The following BABAM2 variants were observed in gnomAD, a reference collection of about 807,000 sequenced individuals.
BABAM2 encodes the protein BRISC and BRCA1 A complex member 2, also known as BRISC and BRCA1-A complex member 2.
In BABAM2, 31 loss-of-function variants were observed where a neutral mutation model predicts 54.7. The ratio of observed to expected loss-of-function variants is 0.57; its 90% CI spans 0.43 to 0.77. The LOEUF (loss-of-function observed/expected upper bound fraction) is 0.77. Among genes scored for constraint, BABAM2 ranks in the 30% least tolerant of loss-of-function variants. The pLI, the probability that BABAM2 is intolerant of heterozygous loss-of-function variation, is 0.00. For synonymous variants in BABAM2, 167 were observed against 162.9 expected, an observed-to-expected ratio of 1.03 and a Z score of -0.19; for missense variants, 364 against 455.8, an observed-to-expected ratio of 0.80 and a Z score of 1.83.
At chr2:28,168,810 A>G (rs149771142) in intron 7 of BABAM2, among the ~76,000 whole-genome samples, 223 of 152,320 alleles carry the variant, frequency 1.5e-3, no homozygotes, top group Non-Finnish European at 2.2e-3. Context: ...TTCATGTTCC[A>G]TCTGGGCACA....
chr2:28,026,970 A>AT (rs1675892356), intron 5 of BABAM2, among the ~76,000 whole-genome samples: 3 of 93,136 alleles, frequency 3.2e-5, no homozygotes, highest in African/African-American at 1.6e-4. Context: ...ATATATATAT[A>AT]AATATATAAA....
chr2:28,173,464 A>C (rs1229842968), intron 7 of BABAM2, among the ~76,000 whole-genome samples: 1 of 152,214 alleles, frequency 6.6e-6, no homozygotes, highest in Non-Finnish European at 1.5e-5. Flanking sequence ...AGAATTTTTA[A>C]AATGACAATC....
intron 11 of BABAM2, chr2:28,308,498 G>A (rs1688761845): frequency 5.7e-6 from 3 of 526,954 alleles, no homozygotes; most frequent in Admixed American, 3.9e-5. Context: ...AACAGGCTGT[G>A]AAGAAGCTCA....
intron 2 of BABAM2, among the ~76,000 whole-genome samples, chr2:27,916,205 A>T (rs2148318727): frequency 6.6e-6 from 1 of 152,344 alleles, no homozygotes; most frequent in African/African-American, 2.4e-5. Flanking sequence ...CAAATAATAT[A>T]AAATATGAGC....
chr2:28,134,942 T>C (rs1558371852), intron 7 of BABAM2, among the ~76,000 whole-genome samples: 1 of 152,190 alleles, frequency 6.6e-6, no homozygotes, highest in South Asian at 2.1e-4. Flanking sequence ...CCTTCACTTA[T>C]TGGCTGGCAA....
intron 3 of BABAM2, among the ~76,000 whole-genome samples, chr2:27,985,781 G>T (rs1672354428): frequency 6.6e-6 from 1 of 152,130 alleles, no homozygotes; most frequent in Non-Finnish European, 1.5e-5. Context: ...TGAGCTCCTT[G>T]AGAATAAATA....
At chr2:28,154,701 C>T (rs1672381786) in intron 7 of BABAM2, among the ~76,000 whole-genome samples, 1 of 152,082 alleles carries the variant, frequency 6.6e-6, no homozygotes, top group Non-Finnish European at 1.5e-5. Context: ...AAACTTCTAG[C>T]TAGAAGAGTC....
In BABAM2 at chr2:27,995,200, G is replaced by A. The variant is rs1270988847; in HGVS notation, c.300+7113G>A. 3.3e-5 allele frequency among the ~76,000 whole-genome samples: 5 copies of A among 152,142 alleles called. No homozygotes were observed. Among genetic ancestry groups the A allele is most frequent in the African/African-American group, 4.8e-5 (2 of 41,416 alleles). ...TGGTGCAGGTGGCCTACTGGGTGCT[G>A]GTAAGCCAGAGCTGGCAAAGTGGAA... On this transcript the variant is annotated intron_variant, in intron 4 of 11. Transcript: ENST00000379624. This position sits in a 1 kb window ranked among gnomAD's most constrained non-coding sequence, Gnocchi z 4.1.
chr2:28,153,928 T>TA (rs1672296529), intron 7 of BABAM2, among the ~76,000 whole-genome samples: 1 of 152,196 alleles, frequency 6.6e-6, no homozygotes, highest in South Asian at 2.1e-4. Context: ...AGAATACCCT[T>TA]AGGGGAAAGA....
At chr2:28,068,335 C>T (rs1202901496) in intron 6 of BABAM2, among the ~76,000 whole-genome samples, 1 of 152,128 alleles carries the variant, frequency 6.6e-6, no homozygotes, top group Non-Finnish European at 1.5e-5. Flanking sequence ...AACCATAAAT[C>T]AGAATCAAAG....
At chr2:28,232,798 A>T (rs1487072349) in intron 7 of BABAM2, among the ~76,000 whole-genome samples, 1 of 152,208 alleles carries the variant, frequency 6.6e-6, no homozygotes, top group Admixed American at 6.5e-5. Context: ...TGCATGAGAG[A>T]TGTGATAATT....
intron 6 of BABAM2, among the ~76,000 whole-genome samples, chr2:28,047,764 A>G (rs1336927979): frequency 6.6e-6 from 1 of 152,206 alleles, no homozygotes; most frequent in Non-Finnish European, 1.5e-5. Flanking sequence ...TTGCAACACT[A>G]ATGTCCTTCT....
rs552633994 is a variant in BABAM2, at chr2:27,950,983, G to C, written c.205+21075G>C. Among the ~76,000 whole-genome samples the C allele has an allele frequency of 2.0e-5, 3 of 152,054 alleles. No individual in the cohort carries two copies. In the East Asian group the frequency reaches 5.8e-4, roughly 29 times the overall value. ...TCTTTTAAAAAAATGTGTAAAATTT[G>C]TAGTGATGTTACCTCTGTGTTTCCT... On this transcript the variant is annotated intron_variant, in intron 3 of 11. Transcript: ENST00000379624.
At chr2:28,241,496 T>A in intron 9 of BABAM2, 103 bp downstream of exon 9, 1 of 1,101,224 alleles carries the variant, frequency 9.1e-7, no homozygotes. Flanking sequence ...TTCTTACACA[T>A]GATACCTTTT....
At chr2:28,209,526 C>T (rs1014877363) in intron 7 of BABAM2, among the ~76,000 whole-genome samples, 10 of 152,178 alleles carry the variant, frequency 6.6e-5, no homozygotes, top group African/African-American at 2.4e-4. Context: ...GAATTATAAG[C>T]ATTGCCAACT....
chr2:27,933,684 C>T (rs1558598462), intron 3 of BABAM2, among the ~76,000 whole-genome samples: 1 of 151,066 alleles, frequency 6.6e-6, no homozygotes, highest in Non-Finnish European at 1.5e-5. Context: ...AGGATGGTCT[C>T]GATCTCTTGA....
chr2:28,009,323 T>G (rs553588828), intron 4 of BABAM2, among the ~76,000 whole-genome samples: 41 of 152,256 alleles, frequency 2.7e-4, no homozygotes, highest in African/African-American at 9.6e-4. Context: ...GGGTAGTAGG[T>G]AGAAAAGGTT....
intron 2 of BABAM2, among the ~76,000 whole-genome samples, chr2:27,901,023 A>G (rs537754157): frequency 1.9e-3 from 262 of 140,438 alleles, no homozygotes; most frequent in Admixed American, 4.7e-3. Flanking sequence ...AGCCTGGGCG[A>G]CAGAGTGAGA....
chr2:28,232,229 A>G (rs1681479387), intron 7 of BABAM2, among the ~76,000 whole-genome samples: 1 of 152,196 alleles, frequency 6.6e-6, no homozygotes, highest in Admixed American at 6.5e-5. Context: ...GATTTTCTCC[A>G]GTCTAAATTA....
Sources: gnomAD v4.1 joint callset for allele counts (sites outside exome capture counted in the v4.1 genomes callset) on GRCh38, gnomAD v4.1.1 for gene constraint, Gnocchi (gnomAD v3.1) non-coding constraint, MANE v1.5 for transcripts, NCBI Gene and HGNC (gene_info 2026-07-23, HGNC 2026-07-21) for gene names.